B3GALNT2: variants seen among roughly 807,000 people sequenced by gnomAD.
The protein encoded by B3GALNT2 is UDP-GalNAc:beta-1,3-N-acetylgalactosaminyltransferase 2.
A neutral mutation model predicts 61.1 loss-of-function variants in B3GALNT2; 53 were observed. The ratio of observed to expected loss-of-function variants is 0.87; its 90% confidence interval spans 0.70 to 1.09. B3GALNT2 has a LOEUF of 1.09. B3GALNT2 is among the 50% of genes least tolerant of loss of function. B3GALNT2 has a pLI of 0.00. For missense variants in B3GALNT2, 544 were observed against 623.0 expected (o/e 0.87, Z 1.35); for synonymous variants, 223 against 237.4 (o/e 0.94, Z 0.56).
Position 235,449,183 on chromosome 1 carries a change from C to T in B3GALNT2, c.*1023G>A, listed in dbSNP as rs1682725585. 18 of 245,750 alleles carry T rather than the reference C, an allele frequency of 7.3e-5. No homozygotes were observed. In the South Asian group the frequency reaches 8.5e-4, roughly 12 times the overall value. 15.2% of individuals were successfully genotyped at this position (245,750 alleles called of 1,614,324 possible). On this transcript the variant is annotated 3_prime_UTR_variant, in exon 12 of 12. Transcript: ENST00000366600. The stretch of plus-strand genomic sequence containing the variant: ...TTGGTTGGTCATTTTGGGAAATGTC[C>T]CTTAAACTTGGGGAGACATCCTCTA...
intron 1 of B3GALNT2, 133 bp downstream of exon 1, chr1:235,504,008 G>C (rs1685710184): frequency 9.9e-7 from 1 of 1,013,010 alleles, no homozygotes; most frequent in Non-Finnish European, 1.2e-6. Context: ...GAAAAGAGCC[G>C]TTTGTTTCGT....
chr1:235,442,970 C>T, downstream of B3GALNT2: 1 of 1,566,832 alleles, frequency 6.4e-7, no homozygotes, highest in Non-Finnish European at 8.8e-7. Flanking sequence ...AGGTATGAGT[C>T]AGCTAAAATT....
In B3GALNT2 at chr1:235,480,585, A is replaced by T. The variant is rs1684511954; in HGVS notation, c.556-436T>A. Among the ~76,000 whole-genome samples the T allele has an allele frequency of 1.3e-5, 2 of 152,076 alleles. 1 individual carries two copies. The highest frequency in any genetic ancestry group is 4.1e-4 in the South Asian group (2 of 4,820). On this transcript the variant is annotated intron_variant, in intron 4 of 11. Coordinates refer to ENST00000366600, the MANE Select transcript of B3GALNT2 (RefSeq NM_152490.5). ...TCAAAAAGAATCTTCAGAAGAAAAT[A>T]TAAACAAAACAAAAAAGGGAATATA...
In B3GALNT2 at chr1:235,484,369, C is replaced by T; in HGVS notation, c.508G>A (p.Gly170Ser). The part of the protein sequence containing the change: ...LGVFYDANDV[G>S]FQRNITVKLY... Reference sequence around the variant, plus strand: ...TTGACAGTGATGTTCCTCTGGAAACCCACATCATTGGCATCGTAGAACACT... The same window carrying T: ...TTGACAGTGATGTTCCTCTGGAAACTCACATCATTGGCATCGTAGAACACT... Residue 170 changes from glycine to serine, a missense_variant, in exon 4 of 12, where the codon GGT (glycine) becomes AGT (serine). By Grantham distance (56) the Gly-to-Ser change is moderately conservative. Coordinates refer to ENST00000366600, the MANE Select transcript of B3GALNT2 (RefSeq NM_152490.5). 6.2e-7 allele frequency: 1 copy of T among 1,614,110 alleles called. No homozygotes were observed. Among genetic ancestry groups the T allele is most frequent in the East Asian group, 2.2e-5 (1 of 44,894 alleles).
chr1:235,443,489 G>A (rs1489096435), downstream of B3GALNT2, among the ~76,000 whole-genome samples: 4 of 152,154 alleles, frequency 2.6e-5, no homozygotes, highest in African/African-American at 9.7e-5. Flanking sequence ...ACAGGCATGA[G>A]CCACTGCAGT....
intron 6 of B3GALNT2, among the ~76,000 whole-genome samples, chr1:235,466,245 T>TC (rs1683691430): frequency 7.1e-6 from 1 of 140,114 alleles, no homozygotes; most frequent in South Asian, 2.2e-4. Flanking sequence ...TTTTTTTTTT[T>TC]CAAATAAGAG....
intron 1 of B3GALNT2, among the ~76,000 whole-genome samples, chr1:235,501,644 A>G (rs984298911): frequency 2.6e-5 from 4 of 152,230 alleles, no homozygotes; most frequent in Non-Finnish European, 5.9e-5. Context: ...TGCTGAATCA[A>G]CTGCGAGCCA....
intron 1 of B3GALNT2, among the ~76,000 whole-genome samples, chr1:235,496,795 G>A (rs894377455): frequency 6.6e-6 from 1 of 151,914 alleles, no homozygotes; most frequent in Non-Finnish European, 1.5e-5. Flanking sequence ...CCACCGCCTC[G>A]GCCTCCCAAA....
At chr1:235,481,075 A>T (rs1282838752) in intron 4 of B3GALNT2, among the ~76,000 whole-genome samples, 3 of 152,048 alleles carry the variant, frequency 2.0e-5, no homozygotes, top group Non-Finnish European at 4.4e-5. Context: ...TAAGCTCTTA[A>T]AACCATGCAG....
intron 5 of B3GALNT2, among the ~76,000 whole-genome samples, chr1:235,474,478 G>A (rs147318792): frequency 7.1e-4 from 108 of 152,168 alleles, no homozygotes; most frequent in African/African-American, 2.3e-3. Flanking sequence ...ACAACTTCTT[G>A]TGGATTGGAG....
chr1:235,496,427 T>A, intron 1 of B3GALNT2: 1 of 619,408 alleles, frequency 1.6e-6, no homozygotes, highest in Non-Finnish European at 2.1e-6. Flanking sequence ...TTAAATAAAT[T>A]CAAATTTTCA....
intron 1 of B3GALNT2, among the ~76,000 whole-genome samples, chr1:235,503,506 T>C (rs1309604126): frequency 6.6e-6 from 1 of 152,236 alleles, no homozygotes; most frequent in East Asian, 1.9e-4. Context: ...CCATGTAAAC[T>C]GCATTAGCAG....
chr1:235,485,849 A>C (rs979351188), intron 3 of B3GALNT2, among the ~76,000 whole-genome samples: 2 of 152,202 alleles, frequency 1.3e-5, no homozygotes, highest in African/African-American at 4.8e-5. Context: ...CTATATATTC[A>C]GTATTAATAA....
At position 235,480,131 on chromosome 1, in the gene B3GALNT2, G is replaced by C; in HGVS notation, c.574C>G (p.Arg192Gly). 6.2e-7 allele frequency: 1 copy of C among 1,613,730 alleles called. No homozygotes were observed. The highest frequency in any genetic ancestry group is 1.3e-5 in the African/African-American group (1 of 74,984). ...AEQEEALFIARFSPPSCGVQV... is the reference protein window; with the variant it reads ...AEQEEALFIAGFSPPSCGVQV... ...ACACCACAGCTTGGAGGACTGAAGCGAGCAATGAAGAGGGCCTCCTACAAA... is the reference window on the plus strand; with the variant it reads ...ACACCACAGCTTGGAGGACTGAAGCCAGCAATGAAGAGGGCCTCCTACAAA... Residue 192 changes from arginine (R) to glycine (G), a missense_variant, in exon 5 of 12, where the codon CGC becomes GGC. Physicochemically the swap from Arg to Gly is moderately radical, Grantham distance 125. Transcript: ENST00000366600.
chr1:235,440,028 T>TGTG, the B3GALNT2 span, among the ~76,000 whole-genome samples: 1 of 152,092 alleles, frequency 6.6e-6, no homozygotes, highest in Non-Finnish European at 1.5e-5. Context: ...TGGAGTGCAG[T>TGTG]GCCGCGATCT....
intron 6 of B3GALNT2, among the ~76,000 whole-genome samples, chr1:235,469,773 G>A (rs990252109): frequency 2.6e-5 from 4 of 151,770 alleles, no homozygotes; most frequent in Non-Finnish European, 5.9e-5. Flanking sequence ...TGTTGGCCAG[G>A]CTGGTCTTGA....
intron 1 of B3GALNT2, among the ~76,000 whole-genome samples, chr1:235,496,827 T>A (rs1468176082): frequency 6.6e-6 from 1 of 152,062 alleles, no homozygotes; most frequent in Non-Finnish European, 1.5e-5. Context: ...ACAGGCGTGA[T>A]CCACCGTGCC....
rs1572480410 is a variant in B3GALNT2 at position 235,452,953 on chromosome 1, T to G, written c.1368+137A>C. The G allele has an allele frequency of 1.9e-5, 14 of 745,966 alleles. No homozygotes were observed. In the East Asian group the frequency reaches 3.6e-4, roughly 19 times the overall value. The allele number at this position is 745,966 out of a possible 1,614,324, so 46.2% of individuals were successfully genotyped here. On this transcript the variant is annotated intron_variant, in intron 11 of 11. Coordinates refer to ENST00000366600, the MANE Select transcript of B3GALNT2 (RefSeq NM_152490.5). Reference sequence around the variant, plus strand: ...TGTGCAACTTCTAAGTATAATGCAATTATTCTAAAATCCAAAAAAATCTGA... The same window carrying G: ...TGTGCAACTTCTAAGTATAATGCAAGTATTCTAAAATCCAAAAAAATCTGA...
intron 3 of B3GALNT2, among the ~76,000 whole-genome samples, chr1:235,488,630 GCCAGTGA>G: frequency 3.1e-5 from 1 of 32,154 alleles, no homozygotes; most frequent in Non-Finnish European, 6.7e-5. Flanking sequence ...GTTGCAGTGA[GCCAGTGA>G]GCTGAGATAG....
Sources: allele counts gnomAD v4.1 joint callset (sites outside exome capture counted in the v4.1 genomes callset), GRCh38; gene constraint gnomAD v4.1.1; transcripts MANE v1.5; gene names NCBI Gene and HGNC (gene_info 2026-07-23, HGNC 2026-07-21).